The following STX7 variants were observed in gnomAD, a reference collection of about 807,000 sequenced individuals.
STX7 encodes the protein syntaxin-7.
Under a neutral mutation model 39.6 loss-of-function variants are expected in STX7, and 34 were observed. That is an observed-to-expected ratio of 0.86 (90% CI 0.65 to 1.14). STX7 has a LOEUF of 1.14. STX7 is among the 50% of genes most tolerant of loss of function. The probability of loss-of-function intolerance (pLI) is 0.00; values close to 1 mark genes in which losing one functional copy is unlikely to be tolerated. For missense variants in STX7, 284 were observed against 310.4 expected, an observed-to-expected ratio of 0.92 and a Z score of 0.64; for synonymous variants, 119 against 99.1, an observed-to-expected ratio of 1.20 and a Z score of -1.19.
In STX7 at chr6:132,456,976, C is replaced by A. The variant is rs1282814240; in HGVS notation, c.*3782G>T. ...GAGTTTCACAGCAGTTTCAAAATCTCTTGCAAGGCACTGGCTTTGGAGCTA... is the reference window on the plus strand; with the variant it reads ...GAGTTTCACAGCAGTTTCAAAATCTATTGCAAGGCACTGGCTTTGGAGCTA... On this transcript the variant is annotated 3_prime_UTR_variant, in exon 10 of 10. Coordinates refer to ENST00000367941, the MANE Select transcript of STX7 (RefSeq NM_003569.3). 5.9e-5 allele frequency: 9 copies of A among 152,326 alleles called. No homozygotes were observed. The highest frequency in any genetic ancestry group is 1.3e-4 in the Non-Finnish European group (9 of 68,130). The allele number at this position is 152,326 out of a possible 1,614,324, so 9.4% of individuals were successfully genotyped here. A position where few individuals can be genotyped will look rare whatever the true frequency, so the allele number is the denominator to read the frequency against.
chr6:132,460,858 C>T lies in STX7; in HGVS notation c.694-8G>A, dbSNP rs537974863. On this transcript the variant is annotated splice_region_variant and splice_polypyrimidine_tract_variant and intron_variant, in intron 9 of 9. Transcript: ENST00000367941. ...GGTTTTTCTGGATTTGCGCTGCAGA[C>T]GCAAAAAACAAAACAAAACAAAAAA... 102 of 1,608,584 alleles carry T rather than the reference C, an allele frequency of 6.3e-5. No individual in the cohort carries two copies. The highest frequency in any genetic ancestry group is 1.3e-4 in the South Asian group (12 of 90,236).
intron 2 of STX7, among the ~76,000 whole-genome samples, chr6:132,482,602 A>G (rs563728258): frequency 3.3e-4 from 50 of 152,354 alleles, no homozygotes; most frequent in Non-Finnish European, 5.0e-4. Context: ...GTTAAAACAC[A>G]TTATTTCATA....
chr6:132,501,739 T>C (rs1475572059), intron 2 of STX7, among the ~76,000 whole-genome samples: 2 of 152,180 alleles, frequency 1.3e-5, no homozygotes, highest in South Asian at 2.1e-4. Flanking sequence ...GAAAGGCCTC[T>C]TGGCCTCCTT....
chr6:132,453,510 A>C lies in STX7; in HGVS notation c.*7248T>G, dbSNP rs920790517. Reference sequence around the variant, plus strand: ...TTGCAAATCACACATCCAACAAAGGACTAGTATCTAGAAAAAAATACACAC... The same window carrying C: ...TTGCAAATCACACATCCAACAAAGGCCTAGTATCTAGAAAAAAATACACAC... On this transcript the variant is annotated 3_prime_UTR_variant, in exon 10 of 10. Transcript: ENST00000367941. 4 of 151,772 alleles carry C rather than the reference A, an allele frequency of 2.6e-5. No homozygotes were observed. The highest frequency in any genetic ancestry group is 9.7e-5 in the African/African-American group (4 of 41,366). 9.4% of individuals were successfully genotyped at this position (151,772 alleles called of 1,614,324 possible). A position where few individuals can be genotyped will look rare whatever the true frequency, so the allele number is the denominator to read the frequency against.
At chr6:132,486,967 T>C (rs1453037075) in intron 2 of STX7, among the ~76,000 whole-genome samples, 1 of 145,314 alleles carries the variant, frequency 6.9e-6, no homozygotes, top group African/African-American at 2.9e-5. Context: ...GCACCCAGCC[T>C]AGTAGTGTTC....
intron 1 of STX7, among the ~76,000 whole-genome samples, chr6:132,512,333 T>G (rs1032522340): frequency 6.6e-6 from 1 of 152,088 alleles, no homozygotes; most frequent in African/African-American, 2.4e-5. Flanking sequence ...AAATGCAACT[T>G]TTTTTCTTTG....
Position 132,470,638 on chromosome 6 carries a change from A to T in STX7, c.388-12T>A. On this transcript the variant is annotated splice_polypyrimidine_tract_variant and intron_variant, in intron 5 of 9. Coordinates refer to ENST00000367941, the MANE Select transcript of STX7 (RefSeq NM_003569.3). Reference sequence around the variant, plus strand: ...TCAGGAAAACTGCCCTGAATAATTTAGTAACAGGATGGAATGAGAAGGGGC... The same window carrying T: ...TCAGGAAAACTGCCCTGAATAATTTTGTAACAGGATGGAATGAGAAGGGGC... 6.2e-7 allele frequency: 1 copy of T among 1,604,652 alleles called. No homozygotes were observed. The highest frequency in any genetic ancestry group is 8.5e-7 in the Non-Finnish European group (1 of 1,173,616).
In STX7 at chr6:132,460,771, C is replaced by A. The variant is rs1355809552; in HGVS notation, c.773G>T (p.Gly258Val). 5 of 1,612,536 alleles carry A rather than the reference C, an allele frequency of 3.1e-6. No individual in the cohort carries two copies. The highest frequency in any genetic ancestry group is 4.2e-6 in the Non-Finnish European group (5 of 1,179,072). Residue 258 changes from glycine (G) to valine (V), a missense_variant, in exon 10 of 10, where the codon GGA becomes GTA. Transcript: ENST00000367941. ...TCCTTTATAACTTCAGTGGTTCAATCCCCATATGATGAGACTGATAATCGC... is the reference window on the plus strand; with the variant it reads ...TCCTTTATAACTTCAGTGGTTCAATACCCATATGATGAGACTGATAATCGC... Reference protein sequence around the residue: ...GVAIISLIIWGLNH With the variant: ...GVAIISLIIWVLNH
chr6:132,489,279 A>T (rs1187187690), intron 2 of STX7, among the ~76,000 whole-genome samples: 1 of 151,988 alleles, frequency 6.6e-6, no homozygotes, highest in Non-Finnish European at 1.5e-5. Context: ...GTAAGAATAA[A>T]AGTACAAGAT....
intron 9 of STX7, among the ~76,000 whole-genome samples, chr6:132,461,237 A>G (rs188816950): frequency 5.1e-4 from 77 of 152,318 alleles, no homozygotes; most frequent in African/African-American, 1.8e-3. Flanking sequence ...CTTTTATTAA[A>G]GTTTTTCTTA....
rs555418727 is a variant in STX7 at position 132,502,671 on chromosome 6, G to A, written c.85+775C>T. Among the ~76,000 whole-genome samples, 6 of 152,132 alleles carry A rather than the reference G, an allele frequency of 3.9e-5. No homozygotes were observed. In the East Asian group the frequency reaches 5.8e-4, roughly 15 times the overall value. ...TCCCAGCACTTTAGGAGGCTGAGGC[G>A]GGAGGATCACGAAGTCAGGAGATCG... On this transcript the variant is annotated intron_variant, in intron 2 of 9. Transcript: ENST00000367941.
intron 8 of STX7, among the ~76,000 whole-genome samples, chr6:132,465,910 A>G (rs1256270753): frequency 6.6e-6 from 1 of 152,186 alleles, no homozygotes; most frequent in Non-Finnish European, 1.5e-5. Context: ...CTTACTTATC[A>G]TCAGTATTTC....
chr6:132,469,487 A>T (rs549048213), intron 7 of STX7, among the ~76,000 whole-genome samples: 1 of 152,126 alleles, frequency 6.6e-6, no homozygotes, highest in Non-Finnish European at 1.5e-5. Flanking sequence ...TTATTTTTTT[A>T]AAAAAGGAAT....
chr6:132,496,695 C>A (rs1775427151), intron 2 of STX7, among the ~76,000 whole-genome samples: 1 of 152,076 alleles, frequency 6.6e-6, no homozygotes. Context: ...TAACCTAGCC[C>A]ACAGAAAATA....
In STX7 at chr6:132,504,596, A is replaced by G. The variant is rs560801952; in HGVS notation, c.-58-1008T>C. 2.0e-5 allele frequency among the ~76,000 whole-genome samples: 3 copies of G among 152,358 alleles called. 1 individual carries two copies. Among genetic ancestry groups the G allele is most frequent in the Admixed American group, 2.0e-4 (3 of 15,302 alleles). On this transcript the variant is annotated intron_variant, in intron 1 of 9. Transcript: ENST00000367941. ...CAATTTGTAAGCTAGCTCTCTACTA[A>G]GAGCCTGGTACATGCCCAGCATTAA...
chr6:132,466,289 C>A (rs1453770124), intron 8 of STX7, among the ~76,000 whole-genome samples: 2 of 152,152 alleles, frequency 1.3e-5, no homozygotes, highest in African/African-American at 2.4e-5. Context: ...CTTTTTTTCA[C>A]TTCCCTTCTA....
chr6:132,485,305 A>C (rs927753953), intron 2 of STX7, among the ~76,000 whole-genome samples: 3 of 152,198 alleles, frequency 2.0e-5, no homozygotes, highest in African/African-American at 7.2e-5. Context: ...TTTTTGAAAA[A>C]GGATGGTGTC....
rs1437279521 is a variant in STX7, at chr6:132,450,986, A to G, written c.*9772T>C. The G allele has an allele frequency of 1.3e-5, 2 of 152,194 alleles. No homozygotes were observed. The highest frequency in any genetic ancestry group is 2.9e-5 in the Non-Finnish European group (2 of 68,038). 9.4% of individuals were successfully genotyped at this position (152,194 alleles called of 1,614,324 possible). A position where few individuals can be genotyped will look rare whatever the true frequency, so the allele number is the denominator to read the frequency against. On this transcript the variant is annotated 3_prime_UTR_variant, in exon 10 of 10. Coordinates refer to ENST00000367941, the MANE Select transcript of STX7 (RefSeq NM_003569.3). ...AGATACATCATGGTTAAACAACTAA[A>G]AACTAAACACAAAGGAAAAAAAGAA...
Position 132,469,380 on chromosome 6 carries a change from G to A in STX7, c.537+571C>T, listed in dbSNP as rs1304155016. 2.6e-5 allele frequency among the ~76,000 whole-genome samples: 4 copies of A among 152,072 alleles called. No individual in the cohort carries two copies. The South Asian group carries it at 6.2e-4, about 24-fold the overall frequency. ...ACTGGTATTTTCTCAATACTAAGGTGGTCCATAGATGGCTTGATATAACAA... is the reference window on the plus strand; with the variant it reads ...ACTGGTATTTTCTCAATACTAAGGTAGTCCATAGATGGCTTGATATAACAA... On this transcript the variant is annotated intron_variant, in intron 7 of 9. Transcript: ENST00000367941.
Sources: allele counts gnomAD v4.1 joint callset (sites outside exome capture counted in the v4.1 genomes callset), GRCh38; gene constraint gnomAD v4.1.1; transcripts MANE v1.5; gene names NCBI Gene and HGNC (gene_info 2026-07-23, HGNC 2026-07-21).